TRIO: variants seen among roughly 807,000 people sequenced by gnomAD.
TRIO encodes the protein triple functional domain protein.
TRIO carries 58 observed loss-of-function variants against 351.9 expected under a neutral mutation model. The ratio of observed to expected loss-of-function variants is 0.16; its 90% CI spans 0.13 to 0.21. TRIO has a LOEUF of 0.21. Ranked by LOEUF, TRIO falls within the 10% of genes least tolerant of loss-of-function variation. TRIO has a pLI of 1.00. For synonymous variants in TRIO, 1,758 were observed against 1,595.7 expected (o/e 1.10, Z -2.42); for missense variants, 3,201 against 4,027.8 (o/e 0.79, Z 5.56).
intron 53 of TRIO, among the ~76,000 whole-genome samples, chr5:14,501,006 A>T (rs1757257414): frequency 6.6e-6 from 1 of 151,350 alleles, no homozygotes; most frequent in Non-Finnish European, 1.5e-5. Flanking sequence ...GTGGTCACAG[A>T]GTCGCCATTT....
chr5:14,354,834 C>T (rs889732135), intron 11 of TRIO, among the ~76,000 whole-genome samples: 3 of 152,044 alleles, frequency 2.0e-5, no homozygotes, highest in Non-Finnish European at 2.9e-5. Flanking sequence ...GCAGGGGACC[C>T]GGGAATACTC....
chr5:14,292,995 C>G lies in TRIO; in HGVS notation c.1054-17C>G, dbSNP rs1362429185. The G allele has an allele frequency of 1.2e-6, 2 of 1,613,968 alleles. No individual in the cohort carries two copies. The highest frequency in any genetic ancestry group is 4.5e-5 in the East Asian group (2 of 44,880). On this transcript the variant is annotated splice_polypyrimidine_tract_variant and intron_variant, in intron 5 of 56. Coordinates refer to ENST00000344204, the MANE Select transcript of TRIO (RefSeq NM_007118.4). ...TCTTTCTGGAGTGATTGCGGGTTGTCTTTTTCCTTCCGGTAGATGTTTGAC... is the reference window on the plus strand; with the variant it reads ...TCTTTCTGGAGTGATTGCGGGTTGTGTTTTTCCTTCCGGTAGATGTTTGAC...
chr5:14,403,005 G>A (rs575085641), intron 31 of TRIO, among the ~76,000 whole-genome samples: 2 of 151,878 alleles, frequency 1.3e-5, no homozygotes, highest in South Asian at 4.2e-4. Flanking sequence ...GAGGGTGCAG[G>A]TTGTGGTGAG....
intron 47 of TRIO, among the ~76,000 whole-genome samples, chr5:14,485,741 T>C (rs924383976): frequency 2.6e-5 from 4 of 152,116 alleles, no homozygotes; most frequent in Admixed American, 6.5e-5. Flanking sequence ...ATCCCAGCAC[T>C]TTGGGAGGCC....
intron 1 of TRIO, among the ~76,000 whole-genome samples, chr5:14,204,900 G>C (rs933445751): frequency 6.6e-6 from 1 of 152,164 alleles, no homozygotes; most frequent in Non-Finnish European, 1.5e-5. Context: ...GCCTAGAACA[G>C]GGCCTGCCAC....
At chr5:14,464,859 C>T (rs949570936) in intron 36 of TRIO, among the ~76,000 whole-genome samples, 2 of 152,084 alleles carry the variant, frequency 1.3e-5, no homozygotes, top group African/African-American at 4.8e-5. Flanking sequence ...TACTGAAACT[C>T]GAACTTAGTA....
At chr5:14,472,411 C>T (rs553649087) in intron 38 of TRIO, among the ~76,000 whole-genome samples, 181 bp from the exon 39 acceptor site, 1 of 152,308 alleles carries the variant, frequency 6.6e-6, no homozygotes, top group South Asian at 2.1e-4. Context: ...CCAGAGCTCT[C>T]GTGGGTCACC....
intron 1 of TRIO, among the ~76,000 whole-genome samples, chr5:14,266,692 T>C (rs574889882): frequency 6.6e-6 from 1 of 152,226 alleles, no homozygotes; most frequent in East Asian, 1.9e-4. Context: ...AGGCAGTTTT[T>C]TGTGTGTTGG....
At chr5:14,398,809 A>T in intron 29 of TRIO, 71 bp from the exon 30 acceptor site, 2 of 1,439,132 alleles carry the variant, frequency 1.4e-6, no homozygotes, top group Non-Finnish European at 1.9e-6. Flanking sequence ...GAAAATACTA[A>T]TAATGCTTTC....
At chr5:14,194,659 G>A (rs1233401228) in intron 1 of TRIO, among the ~76,000 whole-genome samples, 3 of 152,368 alleles carry the variant, frequency 2.0e-5, no homozygotes, top group Admixed American at 2.0e-4. Context: ...CAGTGGCAAA[G>A]TTGGTAATGC....
At chr5:14,222,142 CTT>C (rs34968826) in intron 1 of TRIO, among the ~76,000 whole-genome samples, 6 of 141,390 alleles carry the variant, frequency 4.2e-5, no homozygotes, top group Admixed American at 7.0e-5. Flanking sequence ...TTTTTCTTTT[CTT>C]TTTTTTTTTT....
At chr5:14,374,421 C>G (rs996494492) in intron 19 of TRIO, 78 bp downstream of exon 19, 3 of 1,017,308 alleles carry the variant, frequency 2.9e-6, no homozygotes, top group East Asian at 2.7e-5. Context: ...ACGTTGTGTT[C>G]TGAACTCTCA....
chr5:14,482,594 GC>G lies in TRIO; in HGVS notation c.6481del (p.Gln2161ArgfsTer60). The G allele has an allele frequency of 6.8e-7, 1 of 1,462,102 alleles. No individual in the cohort carries two copies. The allele number at this position is 1,462,102 out of a possible 1,614,324, so 90.6% of individuals were successfully genotyped here. A position where few individuals can be genotyped will look rare whatever the true frequency, so the allele number is the denominator to read the frequency against. ...TTTCTTGTTTTAGGGGAAAATCGTT[GC>G]CCAGGGTAAACTGCTCTTGCAGGAC... ...RLQGFDGKIV[A>X]QGKLLLQDTF... On this transcript the variant is annotated frameshift_variant, in exon 46 of 57. Transcript: ENST00000344204. LOFTEE classifies it high-confidence loss of function.
At chr5:14,471,294 G>A (rs1754664755) in intron 37 of TRIO, 24 bp from the exon 38 acceptor site, 1 of 1,612,162 alleles carries the variant, frequency 6.2e-7, no homozygotes, top group Non-Finnish European at 8.5e-7. Context: ...AGTAAGTGTT[G>A]TTGATTATGT....
chr5:14,505,745 G>A (rs963104012), intron 55 of TRIO, among the ~76,000 whole-genome samples: 2 of 152,172 alleles, frequency 1.3e-5, no homozygotes, highest in African/African-American at 2.4e-5. Context: ...ATGGGTGACA[G>A]TGGGTGTCTC....
intron 48 of TRIO, chr5:14,490,954 C>T (rs1756439180): frequency 7.2e-6 from 3 of 414,842 alleles, no homozygotes; most frequent in South Asian, 3.4e-5. Context: ...AAGCCAAAGC[C>T]TTCCCTGTAC....
intron 34 of TRIO, among the ~76,000 whole-genome samples, chr5:14,447,977 AT>A: frequency 6.6e-6 from 1 of 152,244 alleles, no homozygotes; most frequent in Non-Finnish European, 1.5e-5. Context: ...CAGGACAATA[AT>A]AAGTACTTTA....
At chr5:14,289,639 G>A (rs944827192) in intron 4 of TRIO, among the ~76,000 whole-genome samples, 25 of 152,028 alleles carry the variant, frequency 1.6e-4, no homozygotes, top group Admixed American at 2.0e-4. Flanking sequence ...TTTGAGATCA[G>A]GAATTTGAAA....
In TRIO at chr5:14,143,717, G is replaced by A. The variant is rs1432722073; in HGVS notation, c.-9G>A. 3.1e-6 allele frequency: 3 copies of A among 976,702 alleles called. No individual in the cohort carries two copies. Among genetic ancestry groups the A allele is most frequent in the African/African-American group, 3.6e-5 (2 of 56,264 alleles). 60.5% of individuals were successfully genotyped at this position (976,702 alleles called of 1,614,324 possible). On this transcript the variant is annotated 5_prime_UTR_variant, in exon 1 of 57. Coordinates refer to ENST00000344204, the MANE Select transcript of TRIO (RefSeq NM_007118.4). ...CGAGGCGGGCGCGGCCGCGGGCGCC[G>A]CCGCAGCCATGAGCGGCAGCAGCGG... is the stretch of plus-strand genomic sequence containing the variant.
Sources: allele counts gnomAD v4.1 joint callset (sites outside exome capture counted in the v4.1 genomes callset), GRCh38; gene constraint gnomAD v4.1.1; transcripts MANE v1.5; gene names NCBI Gene and HGNC (gene_info 2026-07-23, HGNC 2026-07-21).